The following CFAP161 variants were observed in gnomAD, a reference collection of about 807,000 sequenced individuals.
CFAP161 encodes the protein cilia and flagella associated protein 161.
A neutral mutation model predicts 29.0 loss-of-function variants in CFAP161; 25 were observed. That is an observed-to-expected ratio of 0.86 (90% CI 0.63 to 1.20). The LOEUF is 1.20. Ranked by LOEUF, CFAP161 falls within the 50% of genes most tolerant of loss-of-function variation. CFAP161 has a pLI of 0.00. For synonymous variants in CFAP161, 116 were observed against 137.4 expected (o/e 0.84, Z 1.09); for missense variants, 367 against 371.9 (o/e 0.99, Z 0.11).
chr15:81,117,796 A>C, intron 1 of CFAP161: 1 of 309,102 alleles, frequency 3.2e-6, no homozygotes, highest in South Asian at 3.7e-5. Context: ...ATCCCCTTCT[A>C]CATCTTCGTC....
intron 1 of CFAP161, among the ~76,000 whole-genome samples, chr15:81,124,646 C>CT (rs369923632): frequency 6.9e-4 from 105 of 152,078 alleles, no homozygotes; most frequent in African/African-American, 2.5e-3. Context: ...TGCTCCTGGG[C>CT]TTTTTTTGGT....
At chr15:81,144,003 T>C (rs1348437275) in intron 5 of CFAP161, among the ~76,000 whole-genome samples, 183 bp downstream of exon 5, 1 of 152,182 alleles carries the variant, frequency 6.6e-6, no homozygotes, top group Non-Finnish European at 1.5e-5. Flanking sequence ...TTCTCTTTCT[T>C]TTCTGTCTCT....
chr15:81,129,550 G>T (rs1422027932), upstream of CFAP161, among the ~76,000 whole-genome samples: 1 of 152,150 alleles, frequency 6.6e-6, no homozygotes, highest in Non-Finnish European at 1.5e-5. Context: ...CCACCCCCAT[G>T]ATTCAAATAT....
chr15:81,133,472 A>G, upstream of CFAP161, among the ~76,000 whole-genome samples: 1 of 152,010 alleles, frequency 6.6e-6, no homozygotes, highest in Non-Finnish European at 1.5e-5. Context: ...CCTGTCTTCC[A>G]TTTCAGTCAT....
At chr15:81,115,608 T>G (rs1243547171) in intron 1 of CFAP161, among the ~76,000 whole-genome samples, 3 of 152,144 alleles carry the variant, frequency 2.0e-5, no homozygotes, top group Non-Finnish European at 2.9e-5. Flanking sequence ...AAAGGGAAAA[T>G]ACAAAGTAAA....
chr15:81,130,748 TCACTTGAA>T (rs981347904), upstream of CFAP161, among the ~76,000 whole-genome samples: 54 of 152,294 alleles, frequency 3.5e-4, 1 homozygote, highest in South Asian at 1.9e-3. Flanking sequence ...GCTCTTCCTT[TCACTTGAA>T]CACTTGAACA....
Position 81,136,577 on chromosome 15 carries a change from A to G in CFAP161, c.221A>G (p.Asn74Ser). The change falls in exon 3 of 7, where the codon AAT becomes AGT. Residue 74 changes from asparagine to serine, a missense_variant. Coordinates refer to ENST00000286732, the MANE Select transcript of CFAP161 (RefSeq NM_173528.4). ...TACGGTGACAAAGTGATGCTTGTGA[A>G]TCCTGATGATCCTGACACAGAAGCT... ...IHYGDKVMLV[N>S]PDDPDTEADV... 1.9e-6 allele frequency: 3 copies of G among 1,614,202 alleles called. No homozygotes were observed. The highest frequency in any genetic ancestry group is 2.5e-6 in the Non-Finnish European group (3 of 1,180,034).
At chr15:81,121,114 C>G (rs1018209949) in intron 1 of CFAP161, among the ~76,000 whole-genome samples, 2 of 152,070 alleles carry the variant, frequency 1.3e-5, no homozygotes, top group Non-Finnish European at 2.9e-5. Flanking sequence ...CCAATTTGAT[C>G]ACACAAACAA....
chr15:81,145,383 G>C (rs1025917678), intron 5 of CFAP161, among the ~76,000 whole-genome samples: 2 of 152,188 alleles, frequency 1.3e-5, no homozygotes, highest in Admixed American at 1.3e-4. Flanking sequence ...TAAATTTGGG[G>C]TGTTAATAGT....
At chr15:81,125,605 T>G (rs1391934481) in intron 1 of CFAP161, among the ~76,000 whole-genome samples, 1 of 152,248 alleles carries the variant, frequency 6.6e-6, no homozygotes, top group African/African-American at 2.4e-5. Context: ...ACTAAAGGTT[T>G]ACTTTAGTCA....
chr15:81,107,536 G>A (rs1350018580), intron 1 of CFAP161, among the ~76,000 whole-genome samples: 1 of 152,134 alleles, frequency 6.6e-6, no homozygotes, highest in African/African-American at 2.4e-5. Flanking sequence ...GACCAGCCTG[G>A]CCAACGTGGA....
intron 4 of CFAP161, 106 bp downstream of exon 4, chr15:81,138,241 T>TC: frequency 1.1e-6 from 1 of 894,022 alleles, no homozygotes; most frequent in Non-Finnish European, 1.8e-6. Context: ...AGTCATGGGC[T>TC]CCACCTCTGA....
At chr15:81,134,490 T>C in intron 1 of CFAP161, 92 bp downstream of exon 1, 1 of 1,256,414 alleles carries the variant, frequency 8.0e-7, no homozygotes, top group Non-Finnish European at 1.1e-6. Context: ...GCCTCAAGCC[T>C]CCTCTCTCTC....
chr15:81,130,575 C>A (rs1284251570), upstream of CFAP161, among the ~76,000 whole-genome samples: 1 of 152,218 alleles, frequency 6.6e-6, no homozygotes, highest in African/African-American at 2.4e-5. Context: ...TGGCATGCGC[C>A]TGTAGTCTCA....
chr15:81,105,273 CTT>C (rs137937464), intron 1 of CFAP161, among the ~76,000 whole-genome samples: 6,828 of 115,584 alleles, frequency 0.059, 712 homozygotes, highest in African/African-American at 0.21. Flanking sequence ...CTCTTTCTTT[CTT>C]TTTCTTTTTT....
At chr15:81,134,183 C>G, upstream of CFAP161, 1 of 916,598 alleles carries the variant, frequency 1.1e-6, no homozygotes, top group Non-Finnish European at 1.6e-6. Flanking sequence ...CCCCATCTCC[C>G]GCCCCAGGGC....
rs369686969 is a variant in CFAP161, at chr15:81,139,325, AAAG to A, written c.477+1199_477+1201del. On this transcript the variant is annotated intron_variant, in intron 4 of 6. Coordinates refer to ENST00000286732, the MANE Select transcript of CFAP161 (RefSeq NM_173528.4). ...AAATAAAAATAAAAATAAAAAATAAAAAGAAGAAGAAACGATGCTACCAATTAA... is the reference window on the plus strand; with the variant it reads ...AAATAAAAATAAAAATAAAAAATAAAAAGAAGAAACGATGCTACCAATTAA... 7.4e-4 allele frequency among the ~76,000 whole-genome samples: 112 copies of A among 152,196 alleles called. 1 individual carries two copies. The highest frequency in any genetic ancestry group is 2.5e-3 in the African/African-American group (103 of 41,538).
chr15:81,105,571 G>A (rs1894363073), intron 1 of CFAP161, among the ~76,000 whole-genome samples: 1 of 151,950 alleles, frequency 6.6e-6, no homozygotes, highest in Admixed American at 6.6e-5. Context: ...CACTGGAGAG[G>A]TTGGTTGGCA....
At chr15:81,130,160 G>T (rs1363786749), upstream of CFAP161, among the ~76,000 whole-genome samples, 7 of 152,166 alleles carry the variant, frequency 4.6e-5, no homozygotes, top group African/African-American at 1.7e-4. Flanking sequence ...TTCTGGATTA[G>T]GCTTTGGCTC....
Sources: allele counts gnomAD v4.1 joint callset (sites outside exome capture counted in the v4.1 genomes callset), GRCh38; gene constraint gnomAD v4.1.1; transcripts MANE v1.5; gene names NCBI Gene and HGNC (gene_info 2026-07-23, HGNC 2026-07-21).